PITPNC1: variants seen among roughly 807,000 people sequenced by gnomAD.
PITPNC1 encodes the protein phosphatidylinositol transfer protein cytoplasmic 1.
Under a neutral mutation model 44.7 loss-of-function variants are expected in PITPNC1, and 18 were observed. The observed-to-expected ratio is 0.40, with a 90% CI of 0.28 to 0.60. The LOEUF is 0.60. Among genes scored for constraint, PITPNC1 ranks in the 20% least tolerant of loss-of-function variants. The pLI is 0.39. For synonymous variants in PITPNC1, 141 were observed against 149.6 expected, an observed-to-expected ratio of 0.94 and a Z score of 0.42; for missense variants, 290 against 418.4, an observed-to-expected ratio of 0.69 and a Z score of 2.68.
At chr17:67,409,276 G>C (rs1241422149) in intron 1 of PITPNC1, among the ~76,000 whole-genome samples, 9 of 150,048 alleles carry the variant, frequency 6.0e-5, no homozygotes, top group Non-Finnish European at 1.2e-4. Context: ...AGTAGAGACG[G>C]GGTTTCACCT....
intron 4 of PITPNC1, among the ~76,000 whole-genome samples, chr17:67,571,181 A>G (rs2041051463): frequency 6.6e-6 from 1 of 152,246 alleles, no homozygotes; most frequent in Admixed American, 6.5e-5. Flanking sequence ...CTATAATACC[A>G]GCACTTTAGG....
intron 2 of PITPNC1, among the ~76,000 whole-genome samples, chr17:67,545,760 T>TAC (rs995217767): frequency 7.2e-5 from 11 of 152,216 alleles, no homozygotes; most frequent in African/African-American, 2.4e-4. Context: ...CATATATATA[T>TAC]ACACACACAT....
At chr17:67,425,436 CCTCT>C (rs1416726529) in intron 1 of PITPNC1, among the ~76,000 whole-genome samples, 1 of 150,692 alleles carries the variant, frequency 6.6e-6, no homozygotes, top group African/African-American at 2.4e-5. Flanking sequence ...TCTTTCTTTT[CCTCT>C]CTCTTTCTCT....
At chr17:67,562,447 G>A (rs980960875) in intron 4 of PITPNC1, among the ~76,000 whole-genome samples, 14 of 152,084 alleles carry the variant, frequency 9.2e-5, no homozygotes, top group African/African-American at 3.4e-4. Context: ...TTCCTATGCA[G>A]CATATATTTA....
In PITPNC1 at chr17:67,532,876, C is replaced by T. The variant is rs757270321; in HGVS notation, c.123C>T (p.Val41=). 21 of 1,605,296 alleles carry T rather than the reference C, an allele frequency of 1.3e-5. No homozygotes were observed. Among genetic ancestry groups the T allele is most frequent in the African/African-American group, 1.1e-4 (8 of 74,664 alleles). Residue 41 remains valine (V), a synonymous_variant, in exon 2 of 9, where the codon GTC becomes GTT. Coordinates refer to ENST00000581322, the MANE Select transcript of PITPNC1 (RefSeq NM_012417.4). ...GTGACCGGGGAGAAGGGGTGGAGGTCGTCCAGAATGAGCCCTTTGAGGACC... is the reference window on the plus strand; with the variant it reads ...GTGACCGGGGAGAAGGGGTGGAGGTTGTCCAGAATGAGCCCTTTGAGGACC... ...EQSDRGEGVE[V]VQNEPFEDPH...
chr17:67,559,194 C>T (rs935034255), intron 4 of PITPNC1, among the ~76,000 whole-genome samples: 1 of 152,198 alleles, frequency 6.6e-6, no homozygotes, highest in Non-Finnish European at 1.5e-5. Flanking sequence ...CCCTGAGTCC[C>T]AGCCAAGGGG....
chr17:67,573,683 C>A (rs1160552943), intron 4 of PITPNC1, among the ~76,000 whole-genome samples: 1 of 151,756 alleles, frequency 6.6e-6, no homozygotes, highest in African/African-American at 2.4e-5. Context: ...CCCGCTCAGC[C>A]TCCCGAGTAG....
chr17:67,656,951 T>G (rs1406685196), intron 6 of PITPNC1, among the ~76,000 whole-genome samples: 2 of 152,152 alleles, frequency 1.3e-5, no homozygotes, highest in Non-Finnish European at 2.9e-5. Context: ...TCAACCGATG[T>G]GTGAAGGGGG....
rs887003459 is a variant in PITPNC1 at position 67,693,760 on chromosome 17, C to T, written c.*872C>T. 4 of 152,140 alleles carry T rather than the reference C, an allele frequency of 2.6e-5. No individual in the cohort carries two copies. Among genetic ancestry groups the T allele is most frequent in the African/African-American group, 9.7e-5 (4 of 41,416 alleles). 9.4% of individuals were successfully genotyped at this position (152,140 alleles called of 1,614,324 possible). A position where few individuals can be genotyped will look rare whatever the true frequency, so the allele number is the denominator to read the frequency against. ...TGAATAGAATTCATTTACTATCTGCCCACTCAAAGAAGTACAAGGGTAGAG... is the reference window on the plus strand; with the variant it reads ...TGAATAGAATTCATTTACTATCTGCTCACTCAAAGAAGTACAAGGGTAGAG... On this transcript the variant is annotated 3_prime_UTR_variant, in exon 9 of 9. Transcript: ENST00000581322.
rs190066315 is a variant in PITPNC1, at chr17:67,535,845, G to A, written c.197+2895G>A. On this transcript the variant is annotated intron_variant, in intron 2 of 8. Transcript: ENST00000581322. Reference sequence around the variant, plus strand: ...GGCATCGGGGGGACATCAGAACAGAGTGTGGGTTCTGACATCTAGGGACTG... The same window carrying A: ...GGCATCGGGGGGACATCAGAACAGAATGTGGGTTCTGACATCTAGGGACTG... 3.2e-4 allele frequency among the ~76,000 whole-genome samples: 48 copies of A among 152,370 alleles called. No homozygotes were observed. In the East Asian group the frequency reaches 7.9e-3, roughly 25 times the overall value.
intron 1 of PITPNC1, among the ~76,000 whole-genome samples, chr17:67,487,112 G>A (rs2039790189): frequency 6.6e-6 from 1 of 152,114 alleles, no homozygotes; most frequent in South Asian, 2.1e-4. Context: ...ATGAGTACTA[G>A]TTTGAAGTCC....
chr17:67,558,399 T>A (rs2040865968), intron 4 of PITPNC1, among the ~76,000 whole-genome samples: 1 of 151,824 alleles, frequency 6.6e-6, no homozygotes, highest in African/African-American at 2.4e-5. Flanking sequence ...GTTGGTAAAG[T>A]CTGCAAAGAA....
chr17:67,501,805 C>T (rs911054207), intron 1 of PITPNC1, among the ~76,000 whole-genome samples: 2 of 151,796 alleles, frequency 1.3e-5, no homozygotes, highest in African/African-American at 4.8e-5. Flanking sequence ...TGCACTCCAG[C>T]CTGGGCAACA....
In PITPNC1 at chr17:67,406,219, T is replaced by G. The variant is rs1375265018; in HGVS notation, c.48+28017T>G. Among the ~76,000 whole-genome samples, 3 of 152,148 alleles carry G rather than the reference T, an allele frequency of 2.0e-5. No homozygotes were observed. The East Asian group carries it at 5.8e-4, about 29-fold the overall frequency. On this transcript the variant is annotated intron_variant, in intron 1 of 8. Transcript: ENST00000581322. ...TTTCACAGGCGCGATCATCACGCAC[T>G]ACAGCCTTGAACTCCTGGGCTCAAA...
chr17:67,550,002 T>C (rs1199746387), intron 2 of PITPNC1, among the ~76,000 whole-genome samples: 3 of 152,180 alleles, frequency 2.0e-5, no homozygotes, highest in African/African-American at 4.8e-5. Context: ...GTTTTGCTCA[T>C]GACCATTTCC....
chr17:67,604,925 A>C (rs1316188680), intron 5 of PITPNC1, among the ~76,000 whole-genome samples: 1 of 151,952 alleles, frequency 6.6e-6, no homozygotes, highest in Non-Finnish European at 1.5e-5. Flanking sequence ...ACTAAAAATA[A>C]AAAATTAGCT....
intron 8 of PITPNC1, among the ~76,000 whole-genome samples, chr17:67,683,181 A>G (rs2144445942): frequency 6.6e-6 from 1 of 151,682 alleles, no homozygotes; most frequent in Non-Finnish European, 1.5e-5. Flanking sequence ...AAAAAAAAAA[A>G]AAAAAAGAGT....
chr17:67,616,976 G>A (rs896793315), intron 5 of PITPNC1, among the ~76,000 whole-genome samples: 4 of 152,056 alleles, frequency 2.6e-5, no homozygotes, highest in Non-Finnish European at 4.4e-5. Flanking sequence ...GGGGTGGGCA[G>A]AGAAAAAAAA....
chr17:67,632,115 C>G, intron 5 of PITPNC1, 28 bp from the exon 6 acceptor site: 1 of 1,452,176 alleles, frequency 6.9e-7, no homozygotes, highest in South Asian at 1.1e-5. Context: ...CTATCACTAA[C>G]CTTTGATATG....
Sources: gnomAD v4.1 joint callset for allele counts (sites outside exome capture counted in the v4.1 genomes callset) on GRCh38, gnomAD v4.1.1 for gene constraint, MANE v1.5 for transcripts, NCBI Gene and HGNC (gene_info 2026-07-23, HGNC 2026-07-21) for gene names.